ECT2L: variants seen among roughly 807,000 people sequenced by gnomAD.
The protein encoded by ECT2L is epithelial cell transforming 2 like.
In ECT2L, 126 loss-of-function variants were observed where a neutral mutation model predicts 122.8. The observed-to-expected ratio is 1.03, with a 90% CI of 0.89 to 1.19. ECT2L has a LOEUF of 1.19. ECT2L is among the 50% of genes most tolerant of loss of function. The pLI is 0.00. For synonymous variants in ECT2L, 385 were observed against 381.8 expected (o/e 1.01, Z -0.10); for missense variants, 1,012 against 1,064.1 (o/e 0.95, Z 0.68).
rs1385563824 is a variant in ECT2L, at chr6:138,824,143, T to G, written c.179+9540T>G. On this transcript the variant is annotated intron_variant, in intron 4 of 21. Transcript: ENST00000541398. ...CTCAAGTGATAAAATGACACAGAAC[T>G]GTATACACACATTGTACCAATTTCA... 3.9e-5 allele frequency among the ~76,000 whole-genome samples: 6 copies of G among 152,152 alleles called. No individual in the cohort carries two copies. The East Asian group carries it at 7.7e-4, about 20-fold the overall frequency.
Position 138,902,624 on chromosome 6 carries a change from G to A in ECT2L, c.2712G>A (p.Lys904=). The A allele has an allele frequency of 6.2e-7, 1 of 1,613,560 alleles. No homozygotes were observed. Among genetic ancestry groups the A allele is most frequent in the Non-Finnish European group, 8.5e-7 (1 of 1,179,780 alleles). Residue 904 remains lysine (K), a synonymous_variant, in exon 22 of 22, where the codon AAG becomes AAA. Coordinates refer to ENST00000541398, the MANE Select transcript of ECT2L (RefSeq NM_001077706.3). ...LRNAIKSSME[K] Reference sequence around the variant, plus strand: ...ATGCAATCAAAAGCAGTATGGAGAAGTGAGACCGAACTTGAAAACTTCAGG... The same window carrying A: ...ATGCAATCAAAAGCAGTATGGAGAAATGAGACCGAACTTGAAAACTTCAGG...
At chr6:138,860,241 C>T (rs1457859882) in intron 10 of ECT2L, among the ~76,000 whole-genome samples, 1 of 151,908 alleles carries the variant, frequency 6.6e-6, no homozygotes, top group Non-Finnish European at 1.5e-5. Context: ...AGATTTTCTC[C>T]TATGTTTTTT....
intron 18 of ECT2L, among the ~76,000 whole-genome samples, chr6:138,886,459 G>A (rs1778824004): frequency 6.6e-6 from 1 of 152,096 alleles, no homozygotes; most frequent in South Asian, 2.1e-4. Context: ...CAAGGCTTGA[G>A]TGTAGTGGTG....
At chr6:138,860,630 C>A (rs948234563) in intron 10 of ECT2L, among the ~76,000 whole-genome samples, 4 of 151,642 alleles carry the variant, frequency 2.6e-5, no homozygotes, top group East Asian at 1.9e-4. Context: ...AAATAAATTA[C>A]CCATTTCATT....
intron 8 of ECT2L, among the ~76,000 whole-genome samples, chr6:138,848,685 G>T (rs1777319601): frequency 6.6e-6 from 1 of 152,136 alleles, no homozygotes; most frequent in Non-Finnish European, 1.5e-5. Flanking sequence ...CTCCATGTGG[G>T]CCATAGCTTC....
chr6:138,862,644 C>G lies in ECT2L; in HGVS notation c.1216C>G (p.Leu406Val), dbSNP rs778633299. Residue 406 changes from leucine (L) to valine (V), a missense_variant, in exon 11 of 22, where the codon CTT becomes GTT. By Grantham distance (32) the Leu-to-Val change is conservative. Coordinates refer to ENST00000541398, the MANE Select transcript of ECT2L (RefSeq NM_001077706.3). ...CTATGCAGAGGCAGGAATTGAAGTT[C>G]TTTCCCAGCTGTCTCAACTAACTGG... Reference protein sequence around the residue: ...LGASEAGIEVLSQLSQLTGTF... With the variant: ...LGASEAGIEVVSQLSQLTGTF... 19 of 1,614,124 alleles carry G rather than the reference C, an allele frequency of 1.2e-5. No individual in the cohort carries two copies. The highest frequency in any genetic ancestry group is 6.8e-6 in the Non-Finnish European group (8 of 1,179,978).
intron 5 of ECT2L, among the ~76,000 whole-genome samples, chr6:138,839,973 A>G (rs1658088032): frequency 1.3e-5 from 2 of 152,184 alleles, no homozygotes; most frequent in Admixed American, 1.3e-4. Flanking sequence ...AAAGATTTTT[A>G]TTTTATATAT....
At chr6:138,886,977 CTT>C in intron 19 of ECT2L, 55 bp downstream of exon 19, 2 of 1,479,678 alleles carry the variant, frequency 1.4e-6, no homozygotes, top group Non-Finnish European at 1.9e-6. Flanking sequence ...AACCTCCAGT[CTT>C]TTGCAAAAGG....
At chr6:138,861,545 T>C (rs959979641) in intron 10 of ECT2L, among the ~76,000 whole-genome samples, 1 of 152,242 alleles carries the variant, frequency 6.6e-6, no homozygotes, top group Admixed American at 6.5e-5. Flanking sequence ...GAAGTGTCTG[T>C]TCACATCCTT....
chr6:138,859,732 A>G (rs1777750050), intron 10 of ECT2L, among the ~76,000 whole-genome samples: 1 of 151,694 alleles, frequency 6.6e-6, no homozygotes, highest in South Asian at 2.1e-4. Context: ...CTCTTTATAC[A>G]TACTGGATAA....
Position 138,881,297 on chromosome 6 carries a change from C to T in ECT2L, c.1880+126C>T, listed in dbSNP as rs1778638582. ...ACCCTCTTAGGGACCCTGATTATAG[C>T]AGCGAGATCCTCATCACATTACCTA... On this transcript the variant is annotated intron_variant, in intron 15 of 21. Coordinates refer to ENST00000541398, the MANE Select transcript of ECT2L (RefSeq NM_001077706.3). The T allele has an allele frequency of 7.7e-6, 7 of 904,378 alleles. No homozygotes were observed. In the South Asian group the frequency reaches 8.2e-5, roughly 11 times the overall value. The allele number at this position is 904,378 out of a possible 1,614,324, so 56.0% of individuals were successfully genotyped here. A position where few individuals can be genotyped will look rare whatever the true frequency, so the allele number is the denominator to read the frequency against.
chr6:138,814,631 C>G, intron 4 of ECT2L, 28 bp downstream of exon 4: 1 of 1,360,338 alleles, frequency 7.4e-7, no homozygotes, highest in Non-Finnish European at 1.0e-6. Context: ...ATGTAATTAA[C>G]ATTGATTCTT....
At chr6:138,850,861 T>C (rs1777414114) in intron 9 of ECT2L, among the ~76,000 whole-genome samples, 1 of 151,114 alleles carries the variant, frequency 6.6e-6, no homozygotes, top group African/African-American at 2.4e-5. Flanking sequence ...ATTAGCTGGG[T>C]GTGGTAGTAC....
chr6:138,886,369 C>T (rs1302849551), intron 18 of ECT2L, among the ~76,000 whole-genome samples: 2 of 152,216 alleles, frequency 1.3e-5, no homozygotes, highest in South Asian at 2.1e-4. Context: ...AGTTTTGTCA[C>T]TTGCCTTTGT....
intron 12 of ECT2L, among the ~76,000 whole-genome samples, chr6:138,865,505 A>G (rs1376034720): frequency 6.6e-6 from 1 of 152,190 alleles, no homozygotes; most frequent in African/African-American, 2.4e-5. Context: ...ATTTGCTCTG[A>G]AAGTTAAGCG....
At chr6:138,812,662 AGGCAT>A (rs1166366030) in intron 1 of ECT2L, among the ~76,000 whole-genome samples, 171 bp from the exon 2 acceptor site, 1 of 152,118 alleles carries the variant, frequency 6.6e-6, no homozygotes, top group African/African-American at 2.4e-5. Flanking sequence ...AAAATTAGCC[AGGCAT>A]GGTGGTGCGC....
At chr6:138,833,484 T>C (rs1027132421) in intron 4 of ECT2L, among the ~76,000 whole-genome samples, 1 of 152,184 alleles carries the variant, frequency 6.6e-6, no homozygotes, top group African/African-American at 2.4e-5. Context: ...CCAACTTGTC[T>C]TCCTTTTCAT....
At chr6:138,846,463 A>G in intron 7 of ECT2L, 76 bp from the exon 8 acceptor site, 1 of 1,382,852 alleles carries the variant, frequency 7.2e-7, no homozygotes, top group Admixed American at 2.4e-5. Context: ...TGATGCCCAG[A>G]GACATATGCT....
intron 20 of ECT2L, among the ~76,000 whole-genome samples, chr6:138,899,493 G>A (rs991083196): frequency 2.4e-4 from 37 of 151,890 alleles, no homozygotes; most frequent in African/African-American, 4.1e-4. Context: ...GGAAGGATAC[G>A]TACTAGGTTG....
Sources: gnomAD v4.1 joint callset for allele counts (sites outside exome capture counted in the v4.1 genomes callset) on GRCh38, gnomAD v4.1.1 for gene constraint, MANE v1.5 for transcripts, NCBI Gene and HGNC (gene_info 2026-07-23, HGNC 2026-07-21) for gene names.